The following ARHGEF28 variants were observed in gnomAD, a reference collection of about 807,000 sequenced individuals.
ARHGEF28 encodes the protein Rho guanine nucleotide exchange factor 28, also known as 190 kDa guanine nucleotide exchange factor.
ARHGEF28 carries 152 observed loss-of-function variants against 206.6 expected under a neutral mutation model. That is an observed-to-expected ratio of 0.74 (90% CI 0.64 to 0.84). The LOEUF is 0.84. ARHGEF28 is among the 40% of genes least tolerant of loss of function. The pLI, the probability that ARHGEF28 is intolerant of heterozygous loss-of-function variation, is 0.00. For synonymous variants in ARHGEF28, 763 were observed against 776.4 expected (o/e 0.98, Z 0.29); for missense variants, 2,028 against 2,073.2 (o/e 0.98, Z 0.42).
intron 1 of ARHGEF28, among the ~76,000 whole-genome samples, chr5:73,652,077 G>A (rs1049432773): frequency 2.0e-5 from 3 of 152,076 alleles, no homozygotes; most frequent in Non-Finnish European, 2.9e-5. Context: ...TTTTGGGGTT[G>A]CAAAGAGGTT....
intron 11 of ARHGEF28, 97 bp from the exon 12 acceptor site, chr5:73,846,171 C>A (rs180798362): frequency 8.8e-7 from 1 of 1,133,540 alleles, no homozygotes; most frequent in African/African-American, 1.6e-5. Context: ...GCACCCCCCC[C>A]GCCCCAGTGA....
At chr5:73,715,260 G>A (rs528469907) in intron 2 of ARHGEF28, among the ~76,000 whole-genome samples, 1 of 152,324 alleles carries the variant, frequency 6.6e-6, no homozygotes, top group East Asian at 1.9e-4. Flanking sequence ...TCTGGCTCTG[G>A]TGCTGTTGCT....
intron 9 of ARHGEF28, among the ~76,000 whole-genome samples, chr5:73,813,879 C>G (rs1446293893): frequency 6.7e-6 from 1 of 149,780 alleles, no homozygotes; most frequent in Non-Finnish European, 1.5e-5. Flanking sequence ...ATCTACCTAC[C>G]TTGGTGTTAT....
intron 9 of ARHGEF28, among the ~76,000 whole-genome samples, chr5:73,808,692 C>T (rs1755656689): frequency 6.6e-6 from 1 of 152,188 alleles, no homozygotes; most frequent in South Asian, 2.1e-4. Flanking sequence ...ATCCTAGCCT[C>T]AGAGGCCTTG....
At chr5:73,911,718 C>T (rs1385088032) in intron 35 of ARHGEF28, 143 bp downstream of exon 35, 1 of 931,192 alleles carries the variant, frequency 1.1e-6, no homozygotes, top group Non-Finnish European at 1.6e-6. Context: ...GTGGCATTCA[C>T]TTTTCTTTGG....
intron 35 of ARHGEF28, among the ~76,000 whole-genome samples, chr5:73,921,647 C>T (rs1312914747): frequency 9.9e-5 from 15 of 152,124 alleles, no homozygotes; most frequent in Admixed American, 9.8e-4. Context: ...GACTCTTTTC[C>T]ATACTCTTTT....
chr5:73,833,213 C>T (rs559301499), intron 10 of ARHGEF28, among the ~76,000 whole-genome samples: 8 of 152,282 alleles, frequency 5.3e-5, no homozygotes, highest in African/African-American at 1.9e-4. Flanking sequence ...GACACAAAGT[C>T]TGCCTTATAA....
At chr5:73,780,584 A>C in intron 6 of ARHGEF28, 92 bp from the exon 7 acceptor site, 1 of 1,298,704 alleles carries the variant, frequency 7.7e-7, no homozygotes, top group Non-Finnish European at 1.1e-6. Flanking sequence ...CTCTGAGATC[A>C]TTGATAGTGA....
At position 73,940,976 on chromosome 5, in the gene ARHGEF28, C is replaced by T. The variant is rs1348946488; in HGVS notation, c.5081C>T (p.Thr1694Ile). ...ACAATGACCAGACAAGATGGGGAAACTGGAGATGGAGCCAAAGAAAATATT... is the reference window on the plus strand; with the variant it reads ...ACAATGACCAGACAAGATGGGGAAATTGGAGATGGAGCCAAAGAAAATATT... The part of the protein sequence containing the change: ...TRTMTRQDGE[T>I]GDGAKENIVY... Residue 1694 changes from threonine (T) to isoleucine (I), a missense_variant, in exon 36 of 36, where the codon ACT becomes ATT. This residue lies in a region of ARHGEF28 where 803 missense variants were observed against 768.0 expected (regional missense o/e 1.05). Transcript: ENST00000513042. The T allele has an allele frequency of 4.6e-6, 7 of 1,526,784 alleles. No individual in the cohort carries two copies. Among genetic ancestry groups the T allele is most frequent in the Admixed American group, 2.1e-5 (1 of 47,974 alleles). The allele number at this position is 1,526,784 out of a possible 1,614,324, so 94.6% of individuals were successfully genotyped here.
chr5:73,932,800 C>CCTTT (rs1764197278), intron 35 of ARHGEF28, among the ~76,000 whole-genome samples: 1 of 73,422 alleles, frequency 1.4e-5, no homozygotes, highest in African/African-American at 5.6e-5. Flanking sequence ...TTTCCTATTT[C>CCTTT]TTTTTTTTTT....
At chr5:73,753,311 C>T in intron 4 of ARHGEF28, 109 bp downstream of exon 4, 1 of 1,214,642 alleles carries the variant, frequency 8.2e-7, no homozygotes, top group Non-Finnish European at 1.1e-6. Context: ...CCACTTTTTA[C>T]CTGAACCTTG....
At chr5:73,664,850 T>C (rs1173152796) in intron 1 of ARHGEF28, among the ~76,000 whole-genome samples, 1 of 152,210 alleles carries the variant, frequency 6.6e-6, no homozygotes, top group African/African-American at 2.4e-5. Flanking sequence ...CAACCCTTCC[T>C]AGACACAAGT....
intron 2 of ARHGEF28, among the ~76,000 whole-genome samples, chr5:73,703,995 G>C (rs1748766210): frequency 6.7e-6 from 1 of 150,170 alleles, no homozygotes; most frequent in South Asian, 2.1e-4. Flanking sequence ...CTGCACTTCA[G>C]CCTAGATGAC....
Position 73,896,211 on chromosome 5 carries a change from A to G in ARHGEF28, c.3841+1636A>G, listed in dbSNP as rs150383156. Among the ~76,000 whole-genome samples, 5 of 152,298 alleles carry G rather than the reference A, an allele frequency of 3.3e-5. No homozygotes were observed. The East Asian group carries it at 9.7e-4, about 29-fold the overall frequency. Reference sequence around the variant, plus strand: ...CTCTTTTTGAGATGAGGATTGAGAAATGAGAAGCCAGCTGTCTCAAAAGCT... The same window carrying G: ...CTCTTTTTGAGATGAGGATTGAGAAGTGAGAAGCCAGCTGTCTCAAAAGCT... On this transcript the variant is annotated intron_variant, in intron 29 of 35. Coordinates refer to ENST00000513042, the MANE Select transcript of ARHGEF28 (RefSeq NM_001177693.2).
chr5:73,744,724 C>A (rs940192884), intron 2 of ARHGEF28, among the ~76,000 whole-genome samples: 3 of 151,960 alleles, frequency 2.0e-5, no homozygotes, highest in Middle Eastern at 3.4e-3. Context: ...CTAAATCATC[C>A]CATATAAAGG....
At chr5:73,914,360 T>C (rs1763082668) in intron 35 of ARHGEF28, among the ~76,000 whole-genome samples, 2 of 151,448 alleles carry the variant, frequency 1.3e-5, no homozygotes, top group Middle Eastern at 3.4e-3. Flanking sequence ...GAGCCCATGC[T>C]GTCAATCATT....
intron 4 of ARHGEF28, among the ~76,000 whole-genome samples, chr5:73,770,329 T>G (rs1566610): frequency 6.6e-6 from 1 of 152,016 alleles, no homozygotes; most frequent in Non-Finnish European, 1.5e-5. Context: ...TCTGGGGCAG[T>G]TGGACTCCTG....
At chr5:73,779,453 T>C (rs1156275308) in intron 6 of ARHGEF28, among the ~76,000 whole-genome samples, 2 of 152,122 alleles carry the variant, frequency 1.3e-5, no homozygotes, top group Non-Finnish European at 1.5e-5. Context: ...CAAGAGAAAA[T>C]AGCGTTTCCT....
At chr5:73,804,526 AT>A (rs1426227820) in intron 9 of ARHGEF28, among the ~76,000 whole-genome samples, 3 of 152,100 alleles carry the variant, frequency 2.0e-5, no homozygotes, top group Non-Finnish European at 4.4e-5. Context: ...ATTCTTTAAA[AT>A]TTTTTTAAAT....
Sources: allele counts gnomAD v4.1 joint callset (sites outside exome capture counted in the v4.1 genomes callset), GRCh38; gene constraint gnomAD v4.1.1; regional missense constraint gnomAD v4.1.1; transcripts MANE v1.5; gene names NCBI Gene and HGNC (gene_info 2026-07-23, HGNC 2026-07-21).